Variants in FNDC3B observed in about 807,000 individuals in gnomAD.
The protein encoded by FNDC3B is fibronectin type III domain-containing protein 3B.
FNDC3B carries 12 observed loss-of-function variants against 151.5 expected under a neutral mutation model. The observed-to-expected ratio is 0.08, with a 90% CI of 0.05 to 0.13. The LOEUF (loss-of-function observed/expected upper bound fraction) is 0.13. Ranked by LOEUF, FNDC3B falls within the 10% of genes least tolerant of loss-of-function variation. The pLI, the probability that FNDC3B is intolerant of heterozygous loss-of-function variation, is 1.00. For missense variants in FNDC3B, 1,214 were observed against 1,505.3 expected (o/e 0.81, Z 3.20); for synonymous variants, 528 against 549.0 (o/e 0.96, Z 0.54).
chr3:172,219,673 T>C (rs1350509477), intron 3 of FNDC3B, among the ~76,000 whole-genome samples: 1 of 152,218 alleles, frequency 6.6e-6, no homozygotes, highest in African/African-American at 2.4e-5. Flanking sequence ...GAGTTCTGTT[T>C]CTGTAGATTT....
chr3:172,196,579 T>C (rs1243757084), intron 3 of FNDC3B, among the ~76,000 whole-genome samples: 1 of 152,178 alleles, frequency 6.6e-6, no homozygotes, highest in Non-Finnish European at 1.5e-5. Flanking sequence ...ATCAGTTTTC[T>C]CATCTGTAAA....
intron 23 of FNDC3B, among the ~76,000 whole-genome samples, chr3:172,367,351 G>A (rs1328499076): frequency 6.6e-6 from 1 of 151,834 alleles, no homozygotes; most frequent in African/African-American, 2.4e-5. Flanking sequence ...AGCTTATCTT[G>A]CTAAGGGAGA....
intron 4 of FNDC3B, among the ~76,000 whole-genome samples, chr3:172,234,412 G>T (rs969662653): frequency 8.5e-5 from 13 of 152,190 alleles, no homozygotes; most frequent in African/African-American, 3.1e-4. Context: ...TGGCTATCTG[G>T]CTGGAGTGAT....
At chr3:172,339,518 G>A (rs770530649) in intron 16 of FNDC3B, among the ~76,000 whole-genome samples, 7 of 152,072 alleles carry the variant, frequency 4.6e-5, no homozygotes, top group African/African-American at 9.7e-5. Context: ...AGCCGAGATC[G>A]CACCACTGCA....
At position 172,319,895 on chromosome 3, in the gene FNDC3B, G is replaced by A. The variant is rs56825723; in HGVS notation, c.1254+9014G>A. Reference sequence around the variant, plus strand: ...ACTTTATTTTTTATGTATTGTTGCCGTTTCTGACAGGTTGAACTATACTAT... The same window carrying A: ...ACTTTATTTTTTATGTATTGTTGCCATTTCTGACAGGTTGAACTATACTAT... On this transcript the variant is annotated intron_variant, in intron 11 of 25. Transcript: ENST00000415807. Among the ~76,000 whole-genome samples, 842 of 152,256 alleles carry A rather than the reference G, an allele frequency of 5.5e-3. 10 individuals are homozygous for A. The highest frequency in any genetic ancestry group is 0.019 in the African/African-American group (785 of 41,536).
chr3:172,245,363 TA>T (rs1473268055), intron 4 of FNDC3B, among the ~76,000 whole-genome samples: 1 of 152,192 alleles, frequency 6.6e-6, no homozygotes, highest in Non-Finnish European at 1.5e-5. Context: ...AATGAAAGAA[TA>T]AAGATTGTAA....
chr3:172,091,879 T>TGG (rs1172635912), intron 1 of FNDC3B, among the ~76,000 whole-genome samples: 1 of 148,864 alleles, frequency 6.7e-6, no homozygotes, highest in Non-Finnish European at 1.5e-5. Context: ...CTGGGGTGTG[T>TGG]GTGTGTGTGT....
intron 5 of FNDC3B, among the ~76,000 whole-genome samples, chr3:172,249,796 T>C (rs967702309): frequency 7.9e-5 from 12 of 152,208 alleles, no homozygotes; most frequent in Non-Finnish European, 1.6e-4. Flanking sequence ...GAAGATTTGT[T>C]TTTTAACAAA....
At chr3:172,271,129 G>A (rs1033081918) in intron 6 of FNDC3B, among the ~76,000 whole-genome samples, 1 of 152,182 alleles carries the variant, frequency 6.6e-6, no homozygotes, top group South Asian at 2.1e-4. Flanking sequence ...TTAGGTGTTT[G>A]TAGAGTTATT....
chr3:172,059,468 AC>A (rs1465901757), intron 1 of FNDC3B, among the ~76,000 whole-genome samples: 1 of 152,084 alleles, frequency 6.6e-6, no homozygotes, highest in Non-Finnish European at 1.5e-5. Context: ...TTCTCCTGAT[AC>A]TCGGCATTTG....
chr3:172,388,876 T>C lies in FNDC3B; in HGVS notation c.3303+7783T>C, dbSNP rs181460186. Reference sequence around the variant, plus strand: ...AGTCAAGTAGCAATATAATATATCATGTTGACATTTCTTAGATGCCTACTG... The same window carrying C: ...AGTCAAGTAGCAATATAATATATCACGTTGACATTTCTTAGATGCCTACTG... On this transcript the variant is annotated intron_variant, in intron 25 of 25. Coordinates refer to ENST00000415807, the MANE Select transcript of FNDC3B (RefSeq NM_022763.4). Among the ~76,000 whole-genome samples the C allele has an allele frequency of 4.6e-5, 7 of 152,282 alleles. No individual in the cohort carries two copies. In the East Asian group the frequency reaches 1.3e-3, roughly 29 times the overall value.
chr3:172,057,935 A>G (rs903755403), intron 1 of FNDC3B, among the ~76,000 whole-genome samples: 2 of 151,728 alleles, frequency 1.3e-5, no homozygotes, highest in African/African-American at 4.8e-5. Context: ...ATACAGTGCT[A>G]CATAGAGGTT....
At chr3:172,110,365 G>A (rs879301030) in intron 1 of FNDC3B, among the ~76,000 whole-genome samples, 2 of 152,090 alleles carry the variant, frequency 1.3e-5, no homozygotes, top group Non-Finnish European at 2.9e-5. Flanking sequence ...ACTTTGGTTA[G>A]ATGGGTTGGA....
At chr3:172,154,288 G>T (rs6795329) in intron 3 of FNDC3B, among the ~76,000 whole-genome samples, 6 of 151,738 alleles carry the variant, frequency 4.0e-5, no homozygotes, top group South Asian at 2.1e-4. Flanking sequence ...CAATCTTGGT[G>T]CACTGCAACC....
rs751894723 is a variant in FNDC3B at position 172,251,471 on chromosome 3, T to A, written c.720T>A (p.Ser240Arg). Reference sequence around the variant, plus strand: ...GAAGTGGCGGAGGCGGCAGCGGTAGTGGTCCCGGAATTAAGAAAACAGAGC... The same window carrying A: ...GAAGTGGCGGAGGCGGCAGCGGTAGAGGTCCCGGAATTAAGAAAACAGAGC... Reference protein sequence around the residue: ...SGGSGGGGSGSGPGIKKTERR... With the variant: ...SGGSGGGGSGRGPGIKKTERR... Residue 240 changes from serine to arginine, a missense_variant, in exon 6 of 26, where the codon AGT (serine) becomes AGA (arginine). Transcript: ENST00000415807. 1.2e-6 allele frequency: 2 copies of A among 1,614,080 alleles called. No homozygotes were observed. The highest frequency in any genetic ancestry group is 4.5e-5 in the East Asian group (2 of 44,872).
At chr3:172,260,189 T>C (rs1728575339) in intron 6 of FNDC3B, among the ~76,000 whole-genome samples, 1 of 152,274 alleles carries the variant, frequency 6.6e-6, no homozygotes, top group African/African-American at 2.4e-5. Flanking sequence ...TTCTGGTATA[T>C]TTGTAACCTT....
At chr3:172,208,218 A>C (rs1725530838) in intron 3 of FNDC3B, among the ~76,000 whole-genome samples, 1 of 152,226 alleles carries the variant, frequency 6.6e-6, no homozygotes, top group South Asian at 2.1e-4. Context: ...GGTGTGATGA[A>C]GCACAAATTA....
Position 172,334,927 on chromosome 3 carries a change from C to T in FNDC3B, c.1642-17C>T. 6.2e-7 allele frequency: 1 copy of T among 1,605,260 alleles called. No individual in the cohort carries two copies. The highest frequency in any genetic ancestry group is 8.5e-7 in the Non-Finnish European group (1 of 1,176,402). The stretch of plus-strand genomic sequence containing the variant: ...TGATAACTAAATCATGTTAACGTTT[C>T]CTTGGTTGTGTTCTAGCTGACTGCT... On this transcript the variant is annotated splice_polypyrimidine_tract_variant and intron_variant, in intron 14 of 25. Coordinates refer to ENST00000415807, the MANE Select transcript of FNDC3B (RefSeq NM_022763.4).
chr3:172,387,226 G>A (rs964192921), intron 25 of FNDC3B, among the ~76,000 whole-genome samples: 2 of 152,202 alleles, frequency 1.3e-5, no homozygotes, highest in East Asian at 1.9e-4. Context: ...CAAAATGCTG[G>A]ATTACAGGCA....
Sources: gnomAD v4.1 joint callset for allele counts (sites outside exome capture counted in the v4.1 genomes callset) on GRCh38, gnomAD v4.1.1 for gene constraint, MANE v1.5 for transcripts, NCBI Gene and HGNC (gene_info 2026-07-23, HGNC 2026-07-21) for gene names.